The following LRRC49 variants were observed in gnomAD, a reference collection of about 807,000 sequenced individuals.
LRRC49 encodes leucine-rich repeat-containing protein 49.
Under a neutral mutation model 83.3 loss-of-function variants are expected in LRRC49, and 50 were observed. That is an observed-to-expected ratio of 0.60 (90% confidence interval 0.48 to 0.76). The LOEUF (loss-of-function observed/expected upper bound fraction) is 0.76. Among genes scored for constraint, LRRC49 ranks in the 30% least tolerant of loss-of-function variants. LRRC49 has a pLI of 0.00. For missense variants in LRRC49, 704 were observed against 809.1 expected, an observed-to-expected ratio of 0.87 and a Z score of 1.58; for synonymous variants, 286 against 283.3, an observed-to-expected ratio of 1.01 and a Z score of -0.10.
intron 14 of LRRC49, among the ~76,000 whole-genome samples, chr15:71,016,879 G>A (rs1371098442): frequency 6.6e-6 from 1 of 152,126 alleles, no homozygotes; most frequent in Non-Finnish European, 1.5e-5. Flanking sequence ...GCTGAGGCAG[G>A]TGGATCACTT....
intron 2 of LRRC49, among the ~76,000 whole-genome samples, chr15:70,875,461 C>G (rs1051593018): frequency 9.2e-5 from 14 of 151,970 alleles, no homozygotes. Context: ...AACCTATGAT[C>G]GAGGAACTAA....
At chr15:70,999,860 A>G (rs959569762) in intron 11 of LRRC49, among the ~76,000 whole-genome samples, 1 of 152,196 alleles carries the variant, frequency 6.6e-6, no homozygotes, top group Non-Finnish European at 1.5e-5. Flanking sequence ...AACTACTTTC[A>G]ACAAATGCCA....
At chr15:70,856,067 T>G (rs1342952053) in intron 1 of LRRC49, among the ~76,000 whole-genome samples, 1 of 152,162 alleles carries the variant, frequency 6.6e-6, no homozygotes, top group Non-Finnish European at 1.5e-5. Context: ...TGGCTCACAT[T>G]CATCTCAGGT....
In LRRC49 at chr15:70,957,863, T is replaced by A. The variant is rs151102491; in HGVS notation, c.774-5922T>A. ...AACAGTGTTCCAGGAAAAGGAGACT[T>A]GATAGATGAAAAGATAATCTGTCAA... On this transcript the variant is annotated intron_variant, in intron 8 of 15. Coordinates refer to ENST00000260382, the MANE Select transcript of LRRC49 (RefSeq NM_017691.5). Among the ~76,000 whole-genome samples, 29 of 152,334 alleles carry A rather than the reference T, an allele frequency of 1.9e-4. 1 individual carries two copies. Among genetic ancestry groups the A allele is most frequent in the African/African-American group, 5.8e-4 (24 of 41,578 alleles).
At chr15:70,871,100 GCCTTC>G (rs2033023012) in intron 1 of LRRC49, among the ~76,000 whole-genome samples, 1 of 151,970 alleles carries the variant, frequency 6.6e-6, no homozygotes, top group Non-Finnish European at 1.5e-5. Context: ...GGACCCTGCG[GCCTTC>G]CGCAGTGTTT....
intron 15 of LRRC49, among the ~76,000 whole-genome samples, chr15:71,040,692 T>C (rs1174121001): frequency 6.6e-6 from 1 of 151,678 alleles, no homozygotes; most frequent in East Asian, 1.9e-4. Flanking sequence ...TGGTGGTGGG[T>C]GCCTGTAGAC....
intron 11 of LRRC49, among the ~76,000 whole-genome samples, chr15:71,001,059 T>C (rs964080213): frequency 6.6e-6 from 1 of 152,208 alleles, no homozygotes. Context: ...ACTTAGATTG[T>C]GTTTAGGAAA....
At chr15:71,010,056 T>A in intron 13 of LRRC49, 64 bp downstream of exon 13, 1 of 1,038,570 alleles carries the variant, frequency 9.6e-7, no homozygotes, top group Non-Finnish European at 1.3e-6. Context: ...ATAGTTACTT[T>A]AAATGTTTAG....
chr15:70,880,737 G>A (rs751045052), intron 2 of LRRC49, among the ~76,000 whole-genome samples: 14 of 152,124 alleles, frequency 9.2e-5, no homozygotes, highest in African/African-American at 1.4e-4. Flanking sequence ...AAAAAAAAGT[G>A]TTGACATGGC....
At chr15:70,892,306 C>T (rs1483455752), upstream of LRRC49, 1 of 1,550,966 alleles carries the variant, frequency 6.4e-7, no homozygotes, top group Non-Finnish European at 8.7e-7. Context: ...AGCCGGGTTC[C>T]CTGGACCTTC....
At chr15:71,019,835 T>C (rs2038940045) in intron 14 of LRRC49, among the ~76,000 whole-genome samples, 1 of 152,208 alleles carries the variant, frequency 6.6e-6, no homozygotes, top group South Asian at 2.1e-4. Context: ...ATACCTCCTC[T>C]CTGGAAGAAG....
intron 9 of LRRC49, among the ~76,000 whole-genome samples, chr15:70,972,791 G>C (rs944139438): frequency 4.6e-5 from 7 of 151,848 alleles, no homozygotes; most frequent in African/African-American, 1.7e-4. Flanking sequence ...ATTGATACTT[G>C]TGTACGCTTC....
At chr15:70,922,720 C>T (rs751766867) in intron 7 of LRRC49, among the ~76,000 whole-genome samples, 3 of 151,838 alleles carry the variant, frequency 2.0e-5, no homozygotes, top group Non-Finnish European at 2.9e-5. Context: ...ATGGATACGC[C>T]GTTGTCCATG....
chr15:71,017,051 A>G (rs2038850850), intron 14 of LRRC49, among the ~76,000 whole-genome samples: 1 of 130,116 alleles, frequency 7.7e-6, no homozygotes, highest in Non-Finnish European at 1.7e-5. Flanking sequence ...CTGAGGCTGC[A>G]GTGAGCCATG....
At chr15:70,876,696 C>A (rs2033159076) in intron 2 of LRRC49, among the ~76,000 whole-genome samples, 3 of 152,218 alleles carry the variant, frequency 2.0e-5, no homozygotes. Flanking sequence ...ACCACCATGT[C>A]CAGTCAATTC....
At chr15:70,914,692 G>C (rs1293417156) in intron 6 of LRRC49, among the ~76,000 whole-genome samples, 2 of 152,182 alleles carry the variant, frequency 1.3e-5, no homozygotes, top group Admixed American at 6.5e-5. Context: ...CCTAGAGCTT[G>C]TGTTGGTTAA....
At chr15:70,881,775 C>T (rs1174272667) in intron 2 of LRRC49, 1 of 152,126 alleles carries the variant, frequency 6.6e-6, no homozygotes, top group Non-Finnish European at 1.5e-5. Context: ...ATTAATCAAG[C>T]TAATTAATGT....
intron 14 of LRRC49, among the ~76,000 whole-genome samples, chr15:71,033,143 T>C (rs977148068): frequency 1.3e-5 from 2 of 152,190 alleles, no homozygotes; most frequent in African/African-American, 2.4e-5. Flanking sequence ...CTGCTTAAGC[T>C]GATAAGCAAC....
At chr15:70,880,931 C>G (rs1200811706) in intron 2 of LRRC49, among the ~76,000 whole-genome samples, 3 of 152,138 alleles carry the variant, frequency 2.0e-5, no homozygotes, top group African/African-American at 7.2e-5. Context: ...ACATAATGCT[C>G]TCTTAAAACA....
Sources: allele counts gnomAD v4.1 joint callset (sites outside exome capture counted in the v4.1 genomes callset), GRCh38; gene constraint gnomAD v4.1.1; transcripts MANE v1.5; gene names NCBI Gene and HGNC (gene_info 2026-07-23, HGNC 2026-07-21).